ACSM3: variants seen among roughly 807,000 people sequenced by gnomAD.
ACSM3 encodes acyl-CoA synthetase medium chain family member 3.
A neutral mutation model predicts 74.1 loss-of-function variants in ACSM3; 61 were observed. The ratio of observed to expected loss-of-function variants is 0.82; its 90% CI spans 0.67 to 1.02. The LOEUF is 1.02. ACSM3 is among the 50% of genes least tolerant of loss of function. ACSM3 has a pLI of 0.00. For missense variants in ACSM3, 660 were observed against 697.0 expected (o/e 0.95, Z 0.60); for synonymous variants, 213 against 241.5 (o/e 0.88, Z 1.09).
chr16:20,794,430 C>T (rs2080675039), intron 12 of ACSM3, among the ~76,000 whole-genome samples: 1 of 152,068 alleles, frequency 6.6e-6, no homozygotes, highest in Admixed American at 6.5e-5. Flanking sequence ...GATAGCCATG[C>T]ATGGCTATCA....
intron 12 of ACSM3, among the ~76,000 whole-genome samples, chr16:20,795,249 G>C (rs1013069920): frequency 1.7e-4 from 26 of 152,060 alleles, no homozygotes; most frequent in African/African-American, 6.3e-4. Context: ...TCGAACTCCT[G>C]GGCTCAAGCA....
chr16:20,694,220 TCCCGTTCCAGCCAGTGGAAACCGGACA>T (rs2079677950), intron 1 of ACSM3, among the ~76,000 whole-genome samples: 1 of 152,138 alleles, frequency 6.6e-6, no homozygotes. Flanking sequence ...GAATGTGAGG[TCCCGTTCCAGCCAGTGGAAACCGGACA>T]CAGCAGTAGG....
chr16:20,797,532 T>G lies in ACSM3; in HGVS notation c.*560T>G, dbSNP rs1333997723. 8.3e-7 allele frequency: 1 copy of G among 1,204,598 alleles called. No individual in the cohort carries two copies. The highest frequency in any genetic ancestry group is 1.0e-6 in the Non-Finnish European group (1 of 968,976). 74.6% of individuals were successfully genotyped at this position (1,204,598 alleles called of 1,614,324 possible). A position where few individuals can be genotyped will look rare whatever the true frequency, so the allele number is the denominator to read the frequency against. ...GTCTAACTATAAAAGAAGGATCATATACTATTGTTGCTTATTATATGTAAT... is the reference window on the plus strand; with the variant it reads ...GTCTAACTATAAAAGAAGGATCATAGACTATTGTTGCTTATTATATGTAAT... On this transcript the variant is annotated 3_prime_UTR_variant, in exon 14 of 14. Transcript: ENST00000289416.
rs772616069 is a variant in ACSM3 at position 20,785,036 on chromosome 16, C to T, written c.1072C>T (p.Pro358Ser). The T allele has an allele frequency of 6.2e-7, 1 of 1,613,644 alleles. No individual in the cohort carries two copies. The highest frequency in any genetic ancestry group is 1.7e-5 in the Admixed American group (1 of 59,988). ...HCVSAGEPIT[P>S]DVTEKWRNKT... ...TGTGAGTGCTGGGGAACCAATTACC[C>T]CTGACGTGACTGAAAAATGGAGAAA... is the stretch of plus-strand genomic sequence containing the variant. The change falls in exon 8 of 14, where the codon CCT becomes TCT. Residue 358 changes from proline to serine, a missense_variant. Coordinates refer to ENST00000289416, the MANE Select transcript of ACSM3 (RefSeq NM_005622.4).
chr16:20,769,663 TG>T (rs1418551605), intron 1 of ACSM3, among the ~76,000 whole-genome samples: 1 of 152,194 alleles, frequency 6.6e-6, no homozygotes, highest in Non-Finnish European at 1.5e-5. Context: ...GAAATGCATA[TG>T]GGTGTCAATA....
chr16:20,717,963 GAAGAAGAAGAAGAAGAAGAAGAAGAAGAA>G (rs1567323237), intron 1 of ACSM3, among the ~76,000 whole-genome samples: 2,168 of 93,670 alleles, frequency 0.023, 39 homozygotes, highest in Non-Finnish European at 0.034. Context: ...AGAGGAAGAA[GAAGAAGAAGAAGAAGAAGAAGAAGAAGAA>G]GAAGAAGAAG....
chr16:20,678,389 T>C (rs1231875355), intron 1 of ACSM3, among the ~76,000 whole-genome samples: 3 of 152,086 alleles, frequency 2.0e-5, no homozygotes, highest in Non-Finnish European at 4.4e-5. Flanking sequence ...AAATGAACAA[T>C]ATTTAACTTG....
chr16:20,752,016 G>A (rs1226534749), intron 2 of ACSM3, among the ~76,000 whole-genome samples: 1 of 152,116 alleles, frequency 6.6e-6, no homozygotes, highest in Non-Finnish European at 1.5e-5. Flanking sequence ...TTAGCTTACA[G>A]AGCTGCTATG....
At chr16:20,727,375 C>T (rs1215838665) in intron 1 of ACSM3, 1 of 586,760 alleles carries the variant, frequency 1.7e-6, no homozygotes, top group Non-Finnish European at 3.2e-6. Context: ...CACTGCTTGA[C>T]AGGAGGGGAG....
chr16:20,742,042 C>G (rs968822416), intron 1 of ACSM3: 1 of 1,411,608 alleles, frequency 7.1e-7, no homozygotes, highest in African/African-American at 1.4e-5. Flanking sequence ...GAAGCTGGCT[C>G]CAGCCATATA....
chr16:20,727,562 C>T (rs550283210), intron 1 of ACSM3: 1 of 257,592 alleles, frequency 3.9e-6, no homozygotes, highest in East Asian at 1.4e-4. Context: ...CCATCCCACT[C>T]TAAATTTTTA....
intron 1 of ACSM3, chr16:20,681,595 C>T (rs1171763345): frequency 5.2e-5 from 8 of 152,520 alleles, no homozygotes; most frequent in Non-Finnish European, 8.8e-5. Context: ...AACACACTAC[C>T]GCACAGTTGA....
chr16:20,781,773 G>C lies in ACSM3; in HGVS notation c.1005G>C (p.Gln335His). 6.2e-7 allele frequency: 1 copy of C among 1,609,446 alleles called. No individual in the cohort carries two copies. Among genetic ancestry groups the C allele is most frequent in the Non-Finnish European group, 8.5e-7 (1 of 1,175,854 alleles). The change falls in exon 7 of 14, where the codon CAG becomes CAC. Residue 335 changes from glutamine (Q) to histidine (H), a missense_variant. Transcript: ENST00000289416. Reference protein sequence around the residue: ...SAPTVYRMLVQNDITSYKFKS... With the variant: ...SAPTVYRMLVHNDITSYKFKS... ...CAACTGTATACCGAATGCTTGTACA[G>C]AATGATATAACCAGGTAAGAAATGT...
rs1039057816 is a variant in ACSM3, at chr16:20,738,008, C to A, written c.-189-11902C>A. The A allele has an allele frequency of 3.3e-6, 5 of 1,516,448 alleles. No individual in the cohort carries two copies. The African/African-American group carries it at 4.2e-5, about 13-fold the overall frequency. The allele number at this position is 1,516,448 out of a possible 1,614,324, so 93.9% of individuals were successfully genotyped here. ...ATAATTTCTCAGACATCTTAAAGAT[C>A]GAACTCTAAAATGAATTTTCACTGG... is the stretch of plus-strand genomic sequence containing the variant. On this transcript the variant is annotated intron_variant, in intron 1 of 3. Coordinates refer to the ACSM3 transcript ENST00000561584.
intron 1 of ACSM3, chr16:20,719,406 G>C (rs757091678): frequency 4.2e-6 from 1 of 239,084 alleles, no homozygotes. Flanking sequence ...CCTCCAGCTA[G>C]ATAGATCTTT....
At chr16:20,696,286 T>C (rs180893718) in intron 1 of ACSM3, among the ~76,000 whole-genome samples, 82 of 152,354 alleles carry the variant, frequency 5.4e-4, no homozygotes, top group Non-Finnish European at 1.1e-3. Context: ...TCTCTATCTC[T>C]ATCTCCGTCT....
In ACSM3 at chr16:20,796,384, T is replaced by G; in HGVS notation, c.1569T>G (p.Phe523Leu). 1 of 1,611,202 alleles carries G rather than the reference T, an allele frequency of 6.2e-7. No homozygotes were observed. ...DPIRGEVVKA[F>L]VVLNPDYKSH... is the part of the protein sequence containing the mutation. ...ATTTATTTTAGGTAGTAAAGGCTTTTGTCGTTCTAAATCCTGATTACAAGT... is the reference window on the plus strand; with the variant it reads ...ATTTATTTTAGGTAGTAAAGGCTTTGGTCGTTCTAAATCCTGATTACAAGT... The change falls in exon 13 of 14, where the codon TTT becomes TTG. Residue 523 changes from phenylalanine to leucine, a missense_variant. Phe to Leu is a conservative substitution (Grantham distance 22). Transcript: ENST00000289416.
chr16:20,708,338 G>C (rs951475681), intron 1 of ACSM3, among the ~76,000 whole-genome samples: 6 of 152,124 alleles, frequency 3.9e-5, no homozygotes, highest in Admixed American at 1.3e-4. Flanking sequence ...GACACCTTTT[G>C]GCAGTGCACA....
intron 2 of ACSM3, among the ~76,000 whole-genome samples, chr16:20,751,734 C>T (rs548629934): frequency 4.6e-5 from 7 of 152,138 alleles, no homozygotes; most frequent in Non-Finnish European, 7.4e-5. Context: ...CATTACACAT[C>T]GGTTATGTCA....
Sources: allele counts gnomAD v4.1 joint callset (sites outside exome capture counted in the v4.1 genomes callset), GRCh38; gene constraint gnomAD v4.1.1; transcripts MANE v1.5; gene names NCBI Gene and HGNC (gene_info 2026-07-23, HGNC 2026-07-21).